RNF17: variants seen among roughly 807,000 people sequenced by gnomAD.
RNF17 encodes ring finger protein 17, also known as spermatogenesis associated 23.
RNF17 carries 31 observed loss-of-function variants against 200.5 expected under a neutral mutation model. The ratio of observed to expected loss-of-function variants is 0.15; its 90% CI spans 0.12 to 0.21. The LOEUF (loss-of-function observed/expected upper bound fraction) is 0.21, where lower values mean the gene tolerates loss of function less well. Among genes scored for constraint, RNF17 ranks in the 10% least tolerant of loss-of-function variants. RNF17 has a pLI of 1.00. For missense variants in RNF17, 1,628 were observed against 1,905.1 expected (o/e 0.85, Z 2.71); for synonymous variants, 606 against 637.8 (o/e 0.95, Z 0.75).
At chr13:24,852,839 C>T (rs563409849) in intron 24 of RNF17, among the ~76,000 whole-genome samples, 19 of 152,234 alleles carry the variant, frequency 1.2e-4, no homozygotes, top group Admixed American at 3.3e-4. Flanking sequence ...TATCTTAAGG[C>T]GGCGGTGGGT....
chr13:24,770,553 C>T (rs1240177399), intron 2 of RNF17, among the ~76,000 whole-genome samples: 1 of 151,998 alleles, frequency 6.6e-6, no homozygotes, highest in Non-Finnish European at 1.5e-5. Flanking sequence ...TTTTTAAACC[C>T]CAATTTTGGG....
chr13:24,754,895 TA>T, the RNF17 span, among the ~76,000 whole-genome samples: 1,156 of 136,310 alleles, frequency 8.5e-3, 1 homozygote, highest in Non-Finnish European at 8.1e-3. Flanking sequence ...GACCCTGTCT[TA>T]AAAAAAAAAA....
rs1880409360 is a variant in RNF17 at position 24,769,923 on chromosome 13, G to A, written c.225+2557G>A. Among the ~76,000 whole-genome samples the A allele has an allele frequency of 2.0e-5, 3 of 152,226 alleles. No individual in the cohort carries two copies. In the South Asian group the frequency reaches 6.2e-4, roughly 32 times the overall value. On this transcript the variant is annotated intron_variant, in intron 2 of 35. Transcript: ENST00000255324. ...TAACATCCCTGCTCTGCTATTGATT[G>A]ATGTTAATGGTTAATCTTTCTGTAA...
At chr13:24,868,562 C>A in intron 30 of RNF17, 38 bp from the exon 31 acceptor site, 1 of 961,368 alleles carries the variant, frequency 1.0e-6, no homozygotes, top group South Asian at 1.3e-5. Context: ...AGATTTTTGT[C>A]CTTATTCTGA....
At chr13:24,839,564 C>G (rs1890387621) in intron 18 of RNF17, among the ~76,000 whole-genome samples, 1 of 151,956 alleles carries the variant, frequency 6.6e-6, no homozygotes, top group Non-Finnish European at 1.5e-5. Flanking sequence ...AATAGAGAAC[C>G]CAGAAATAAA....
intron 18 of RNF17, among the ~76,000 whole-genome samples, chr13:24,835,885 C>T (rs1222369062): frequency 3.9e-5 from 6 of 152,022 alleles, no homozygotes; most frequent in Non-Finnish European, 5.9e-5. Flanking sequence ...GGGAGAAAGG[C>T]GAAGCCCAAT....
chr13:24,763,738 C>T (rs1879107267), upstream of RNF17, among the ~76,000 whole-genome samples: 1 of 152,170 alleles, frequency 6.6e-6, no homozygotes, highest in Admixed American at 6.5e-5. Context: ...AAAGCGTTCA[C>T]TGAATCTACC....
downstream of RNF17, among the ~76,000 whole-genome samples, chr13:24,881,070 G>C (rs953711042): frequency 1.3e-5 from 2 of 151,902 alleles, no homozygotes. Context: ...TCCTTGATCA[G>C]TTGTTTGTCT....
intron 25 of RNF17, among the ~76,000 whole-genome samples, chr13:24,855,480 T>A (rs1476760125): frequency 6.6e-6 from 1 of 151,930 alleles, no homozygotes; most frequent in Non-Finnish European, 1.5e-5. Context: ...ATACAAAAAT[T>A]AGCTGGACAT....
downstream of RNF17, chr13:24,884,260 A>T: frequency 1.2e-6 from 2 of 1,614,058 alleles, no homozygotes; most frequent in Non-Finnish European, 1.7e-6. Context: ...AAAGACACAC[A>T]GTCAGTCTGC....
chr13:24,853,796 T>G, intron 24 of RNF17, 59 bp from the exon 25 acceptor site: 1 of 1,315,450 alleles, frequency 7.6e-7, no homozygotes, highest in Non-Finnish European at 1.0e-6. Flanking sequence ...TTTTATGTTG[T>G]TTTACCCAGA....
At chr13:24,754,167 T>TA in the RNF17 span, among the ~76,000 whole-genome samples, 36,728 of 146,558 alleles carry the variant, frequency 0.25, 4,753 homozygotes, top group South Asian at 0.38. Flanking sequence ...AAAATAAAAT[T>TA]AAAAAAAAAA....
chr13:24,805,032 C>T (rs914445407), intron 15 of RNF17, among the ~76,000 whole-genome samples: 3 of 152,054 alleles, frequency 2.0e-5, no homozygotes, highest in Non-Finnish European at 4.4e-5. Flanking sequence ...AAGCATCTTG[C>T]CCAAGATCAC....
intron 15 of RNF17, among the ~76,000 whole-genome samples, chr13:24,812,383 C>A (rs541806292): frequency 8.2e-4 from 125 of 151,990 alleles, no homozygotes; most frequent in South Asian, 3.1e-3. Flanking sequence ...GTGCAGTATT[C>A]GGGTGGGAGT....
chr13:24,854,424 T>G (rs1029328641), intron 25 of RNF17, among the ~76,000 whole-genome samples: 1 of 152,140 alleles, frequency 6.6e-6, no homozygotes, highest in South Asian at 2.1e-4. Context: ...TCCACTACTA[T>G]GGCAGATGAA....
At chr13:24,823,201 A>G (rs951053215) in intron 15 of RNF17, among the ~76,000 whole-genome samples, 1 of 152,012 alleles carries the variant, frequency 6.6e-6, no homozygotes, top group Admixed American at 6.5e-5. Context: ...AGCCTCCTGA[A>G]TAGCTGGGAT....
chr13:24,880,407 G>A (rs1953783032), downstream of RNF17, among the ~76,000 whole-genome samples: 1 of 152,210 alleles, frequency 6.6e-6, no homozygotes, highest in Non-Finnish European at 1.5e-5. Flanking sequence ...TGGGAACACA[G>A]CCAAAGCATA....
chr13:24,748,001 G>C, the RNF17 span, among the ~76,000 whole-genome samples: 323 of 152,366 alleles, frequency 2.1e-3, 5 homozygotes, highest in Admixed American at 0.019. Context: ...CCCTGCTGCC[G>C]GGGCGGGGCT....
chr13:24,864,745 A>G, intron 28 of RNF17, 128 bp from the exon 29 acceptor site: 1 of 671,888 alleles, frequency 1.5e-6, no homozygotes, highest in Non-Finnish European at 2.5e-6. Context: ...ATTCTATGAA[A>G]TGAGTCACTA....
Sources: gnomAD v4.1 joint callset for allele counts (sites outside exome capture counted in the v4.1 genomes callset) on GRCh38, gnomAD v4.1.1 for gene constraint, MANE v1.5 for transcripts, NCBI Gene and HGNC (gene_info 2026-07-23, HGNC 2026-07-21) for gene names.